Variants in NALF1 observed in about 807,000 individuals in gnomAD.
NALF1 encodes NALCN channel auxiliary factor 1, also known as family with sequence similarity 155 member A.
Under a neutral mutation model 48.4 loss-of-function variants are expected in NALF1, and 3 were observed. The ratio of observed to expected loss-of-function variants is 0.06; its 90% confidence interval spans 0.03 to 0.16. The LOEUF (loss-of-function observed/expected upper bound fraction) is 0.16. Ranked by LOEUF, NALF1 falls within the 10% of genes least tolerant of loss-of-function variation. The pLI, the probability that NALF1 is intolerant of heterozygous loss-of-function variation, is 1.00. For missense variants in NALF1, 526 were observed against 571.5 expected (o/e 0.92, Z 0.81); for synonymous variants, 262 against 245.7 (o/e 1.07, Z -0.62).
intron 1 of NALF1, among the ~76,000 whole-genome samples, chr13:107,571,065 AT>A (rs1404638637): frequency 6.6e-6 from 1 of 152,230 alleles, no homozygotes; most frequent in Non-Finnish European, 1.5e-5. Flanking sequence ...TACAAACATC[AT>A]GTATAAGACA....
intron 1 of NALF1, among the ~76,000 whole-genome samples, chr13:107,808,735 A>G (rs2138604352): frequency 6.6e-6 from 1 of 152,254 alleles, no homozygotes; most frequent in East Asian, 1.9e-4. Flanking sequence ...ATGCAGTAAA[A>G]GAAAAGGCAG....
At chr13:107,288,526 CTTTT>C (rs368901866) in intron 1 of NALF1, among the ~76,000 whole-genome samples, 1 of 119,134 alleles carries the variant, frequency 8.4e-6, no homozygotes, top group Admixed American at 8.5e-5. Context: ...AGCCTGAAAA[CTTTT>C]TTTTTTTTTT....
intron 1 of NALF1, among the ~76,000 whole-genome samples, chr13:107,831,966 GA>G (rs1170873784): frequency 7.2e-5 from 11 of 152,024 alleles, no homozygotes; most frequent in Non-Finnish European, 1.6e-4. Flanking sequence ...ATTGTTTGAG[GA>G]AAAAAATTTT....
intron 1 of NALF1, among the ~76,000 whole-genome samples, chr13:107,703,713 G>A (rs1220809245): frequency 6.6e-6 from 1 of 152,056 alleles, no homozygotes; most frequent in African/African-American, 2.4e-5. Flanking sequence ...AACGCATCTG[G>A]AAACTTACTT....
intron 1 of NALF1, among the ~76,000 whole-genome samples, chr13:107,331,514 G>A (rs1300490057): frequency 4.6e-5 from 7 of 152,086 alleles, no homozygotes; most frequent in Admixed American, 1.3e-4. Flanking sequence ...GACGTAAAAG[G>A]AATTGTGGTT....
At position 107,172,467 on chromosome 13, in the gene NALF1, T is replaced by G. The variant is rs182303390; in HGVS notation, c.1088-1681A>C. Among the ~76,000 whole-genome samples, 263 of 152,300 alleles carry G rather than the reference T, an allele frequency of 1.7e-3. 1 individual carries two copies. Among genetic ancestry groups the G allele is most frequent in the African/African-American group, 5.9e-3 (244 of 41,586 alleles). On this transcript the variant is annotated intron_variant, in intron 2 of 2. Coordinates refer to ENST00000375915, the MANE Select transcript of NALF1 (RefSeq NM_001080396.3). ...TAATTAAAAATAATCTCAAATAATA[T>G]ACACTTCAATCTTCATTTTCTTTTA... is the stretch of plus-strand genomic sequence containing the variant.
chr13:107,564,194 C>T (rs1445244006), intron 1 of NALF1, among the ~76,000 whole-genome samples: 3 of 152,180 alleles, frequency 2.0e-5, no homozygotes, highest in Non-Finnish European at 4.4e-5. Context: ...TCTAAAAGTT[C>T]ATCCCTCAAA....
At chr13:107,498,987 A>G (rs1440499913) in intron 1 of NALF1, among the ~76,000 whole-genome samples, 1 of 152,186 alleles carries the variant, frequency 6.6e-6, no homozygotes, top group Non-Finnish European at 1.5e-5. Context: ...GTGTATTCAC[A>G]TCTGTCTATA....
At chr13:107,310,279 G>A (rs556766844) in intron 1 of NALF1, among the ~76,000 whole-genome samples, 5 of 151,846 alleles carry the variant, frequency 3.3e-5, no homozygotes, top group East Asian at 1.9e-4. Flanking sequence ...GCGTGGTGGC[G>A]GGCACTTGTA....
At chr13:107,658,094 A>G (rs1428064341) in intron 1 of NALF1, among the ~76,000 whole-genome samples, 2 of 152,148 alleles carry the variant, frequency 1.3e-5, no homozygotes, top group African/African-American at 2.4e-5. Flanking sequence ...TGGTCTTCTT[A>G]TCAGCTACTT....
intron 1 of NALF1, among the ~76,000 whole-genome samples, chr13:107,300,843 C>G (rs748646317): frequency 5.3e-5 from 8 of 152,162 alleles, no homozygotes; most frequent in African/African-American, 1.2e-4. Context: ...AACAGATTCA[C>G]TGTTCAAATG....
intron 1 of NALF1, among the ~76,000 whole-genome samples, chr13:107,283,555 C>T (rs1414071868): frequency 1.3e-5 from 2 of 152,160 alleles, no homozygotes; most frequent in Non-Finnish European, 2.9e-5. Context: ...TTGAAGATGG[C>T]ATCCCGTGTT....
chr13:107,441,671 G>A (rs1884562206), intron 1 of NALF1, among the ~76,000 whole-genome samples: 1 of 152,156 alleles, frequency 6.6e-6, no homozygotes, highest in Non-Finnish European at 1.5e-5. Context: ...AGGAGGGAAT[G>A]GTTAACAGGA....
intron 1 of NALF1, among the ~76,000 whole-genome samples, chr13:107,477,994 C>A (rs1375801063): frequency 6.6e-6 from 1 of 152,136 alleles, no homozygotes; most frequent in Non-Finnish European, 1.5e-5. Context: ...TGTATGATTT[C>A]TCCACAGAAG....
intron 1 of NALF1, among the ~76,000 whole-genome samples, chr13:107,480,840 T>G (rs1465939093): frequency 6.6e-6 from 1 of 152,170 alleles, no homozygotes; most frequent in Non-Finnish European, 1.5e-5. Flanking sequence ...GCAATAATAT[T>G]TGCTAAAAAT....
intron 1 of NALF1, among the ~76,000 whole-genome samples, chr13:107,675,436 T>C (rs2138489550): frequency 6.6e-6 from 1 of 152,316 alleles, no homozygotes; most frequent in South Asian, 2.1e-4. Flanking sequence ...AGGGAGGAAA[T>C]CTTTATGTAT....
At chr13:107,724,737 GT>G (rs374717649) in intron 1 of NALF1, among the ~76,000 whole-genome samples, 40 of 152,060 alleles carry the variant, frequency 2.6e-4, no homozygotes, top group African/African-American at 8.7e-4. Context: ...AATTTTTGTG[GT>G]TTTTTTGTTT....
chr13:107,536,317 A>G (rs1261021398), intron 1 of NALF1, among the ~76,000 whole-genome samples: 1 of 152,112 alleles, frequency 6.6e-6, no homozygotes, highest in Admixed American at 6.6e-5. Context: ...AAAAATTTTC[A>G]CAACCTACTC....
At chr13:107,846,080 G>C (rs566231818) in intron 1 of NALF1, among the ~76,000 whole-genome samples, 8 of 152,206 alleles carry the variant, frequency 5.3e-5, no homozygotes, top group Middle Eastern at 3.4e-3. Context: ...CTTATCCCCT[G>C]GTAGATTGTA....
Sources: gnomAD v4.1 joint callset for allele counts (sites outside exome capture counted in the v4.1 genomes callset) on GRCh38, gnomAD v4.1.1 for gene constraint, MANE v1.5 for transcripts, NCBI Gene and HGNC (gene_info 2026-07-23, HGNC 2026-07-21) for gene names.